The following EPB41L4A variants were observed in gnomAD, a reference collection of about 807,000 sequenced individuals.
The protein encoded by EPB41L4A is band 4.1-like protein 4A.
Under a neutral mutation model 108.6 loss-of-function variants are expected in EPB41L4A, and 100 were observed. That is an observed-to-expected ratio of 0.92 (90% CI 0.78 to 1.09). EPB41L4A has a LOEUF of 1.09. Among genes scored for constraint, EPB41L4A ranks in the 50% least tolerant of loss-of-function variants. The probability of loss-of-function intolerance (pLI) is 0.00; values close to 1 mark genes in which losing one functional copy is unlikely to be tolerated. For missense variants in EPB41L4A, 1,030 were observed against 842.7 expected, an observed-to-expected ratio of 1.22 and a Z score of -2.75; for synonymous variants, 319 against 289.0, an observed-to-expected ratio of 1.10 and a Z score of -1.05.
At chr5:112,319,674 G>C (rs970888579) in intron 1 of EPB41L4A, among the ~76,000 whole-genome samples, 1 of 152,204 alleles carries the variant, frequency 6.6e-6, no homozygotes, top group African/African-American at 2.4e-5. Flanking sequence ...TTCAAAAATA[G>C]TATGGTTATC....
At position 112,262,518 on chromosome 5, in the gene EPB41L4A, A is replaced by T. The variant is rs1450908104; in HGVS notation, c.618T>A (p.Tyr206Ter). 2.5e-6 allele frequency: 4 copies of T among 1,614,032 alleles called. No homozygotes were observed. In the African/African-American group the frequency reaches 4.0e-5, roughly 16 times the overall value. ...YLRTAKSLEM[Y>*]GVDLHPVYGE... ...CATAGACGGGATGGAGGTCAACGCC[A>T]TACATCTCCAGGGATTTGGCAGTCC... Residue 206 changes from tyrosine to a stop codon, truncating the protein, a stop_gained, in exon 7 of 23, where the codon TAT (tyrosine) becomes TAA (stop). Transcript: ENST00000261486. LOFTEE classifies it high-confidence loss of function.
chr5:112,333,560 G>C (rs1756716782), intron 1 of EPB41L4A, among the ~76,000 whole-genome samples: 1 of 152,138 alleles, frequency 6.6e-6, no homozygotes, highest in South Asian at 2.1e-4. Flanking sequence ...TGGATAGGTT[G>C]GTCATGAGGA....
intron 1 of EPB41L4A, among the ~76,000 whole-genome samples, chr5:112,314,821 A>T (rs1198560072): frequency 6.6e-6 from 1 of 152,130 alleles, no homozygotes; most frequent in African/African-American, 2.4e-5. Context: ...CATGCAAATG[A>T]TATTAATGCC....
intron 17 of EPB41L4A, among the ~76,000 whole-genome samples, chr5:112,192,890 G>A (rs940231528): frequency 3.9e-5 from 6 of 152,144 alleles, no homozygotes; most frequent in Admixed American, 2.0e-4. Context: ...TAAAATACTG[G>A]CTTGATCAAT....
At chr5:112,373,756 T>C (rs1467287241) in intron 1 of EPB41L4A, among the ~76,000 whole-genome samples, 2 of 152,220 alleles carry the variant, frequency 1.3e-5, no homozygotes, top group Admixed American at 6.5e-5. Context: ...AGTCAGGTGC[T>C]TCAGGGAGAC....
intron 12 of EPB41L4A, among the ~76,000 whole-genome samples, chr5:112,232,901 T>C (rs1749057918): frequency 6.6e-6 from 1 of 151,712 alleles, no homozygotes; most frequent in Non-Finnish European, 1.5e-5. Context: ...CACTGGAGAG[T>C]GTTAGACAAG....
At chr5:112,296,774 C>T (rs1699843111) in intron 2 of EPB41L4A, among the ~76,000 whole-genome samples, 1 of 152,032 alleles carries the variant, frequency 6.6e-6, no homozygotes, top group African/African-American at 2.4e-5. Flanking sequence ...CCCTTCCCTC[C>T]CGAGTCTCCA....
intron 1 of EPB41L4A, 54 bp from the exon 2 acceptor site, chr5:112,307,544 G>T: frequency 8.7e-7 from 1 of 1,151,826 alleles, no homozygotes; most frequent in Non-Finnish European, 1.3e-6. Context: ...TTCCTAAGTA[G>T]TACACAGTCA....
At chr5:112,220,555 A>G (rs1286900859) in intron 12 of EPB41L4A, among the ~76,000 whole-genome samples, 1 of 152,208 alleles carries the variant, frequency 6.6e-6, no homozygotes, top group African/African-American at 2.4e-5. Context: ...CCTTTTAGAA[A>G]AGAGAATCTA....
chr5:112,264,468 A>C (rs901084083), intron 6 of EPB41L4A: 4 of 153,382 alleles, frequency 2.6e-5, no homozygotes, highest in Admixed American at 1.3e-4. Flanking sequence ...TTTATGGTTA[A>C]AAATTGTTGT....
chr5:112,234,365 A>T (rs939798663), intron 12 of EPB41L4A, among the ~76,000 whole-genome samples: 1 of 151,766 alleles, frequency 6.6e-6, no homozygotes, highest in East Asian at 1.9e-4. Context: ...CTGGTGACAC[A>T]GCAAGATCCT....
At chr5:112,261,117 T>C (rs1751457696) in intron 7 of EPB41L4A, among the ~76,000 whole-genome samples, 1 of 152,220 alleles carries the variant, frequency 6.6e-6, no homozygotes, top group Non-Finnish European at 1.5e-5. Context: ...CGATAATGAT[T>C]CTACAGTTTT....
intron 1 of EPB41L4A, among the ~76,000 whole-genome samples, chr5:112,327,770 A>G (rs1286761322): frequency 1.3e-5 from 2 of 152,154 alleles, no homozygotes; most frequent in African/African-American, 4.8e-5. Context: ...AAATAGAAGC[A>G]CTGCACCTAC....
At chr5:112,305,048 C>G (rs1754598943) in intron 2 of EPB41L4A, among the ~76,000 whole-genome samples, 1 of 152,216 alleles carries the variant, frequency 6.6e-6, no homozygotes, top group Non-Finnish European at 1.5e-5. Flanking sequence ...AAAGGGAAGA[C>G]TGCGCTGCTG....
rs146182500 is a variant in EPB41L4A, at chr5:112,169,715, A to G, written c.1739+586T>C. ...AATAATTCAAATCTTTGACCTAAAG[A>G]TGGGGACGGAGGGTGGCTGGGGTGT... On this transcript the variant is annotated intron_variant, in intron 20 of 22. Transcript: ENST00000261486. 5.3e-4 allele frequency among the ~76,000 whole-genome samples: 80 copies of G among 152,354 alleles called. No individual in the cohort carries two copies. The East Asian group carries it at 0.015, about 28-fold the overall frequency.
intron 15 of EPB41L4A, among the ~76,000 whole-genome samples, chr5:112,201,188 A>T (rs1242390850): frequency 6.6e-6 from 1 of 152,212 alleles, no homozygotes; most frequent in Non-Finnish European, 1.5e-5. Context: ...AACATGCAGC[A>T]ATGGCTCATT....
intron 7 of EPB41L4A, 43 bp downstream of exon 7, chr5:112,262,451 G>A (rs1561520702): frequency 6.5e-7 from 1 of 1,542,092 alleles, no homozygotes; most frequent in Non-Finnish European, 9.0e-7. Context: ...TAAGAAAAAT[G>A]TCATCAGCTT....
At chr5:112,203,274 C>T (rs1159605484) in intron 15 of EPB41L4A, among the ~76,000 whole-genome samples, 2 of 151,836 alleles carry the variant, frequency 1.3e-5, no homozygotes, top group East Asian at 1.9e-4. Context: ...GAGAATCGCT[C>T]GAACCCAGGG....
intron 2 of EPB41L4A, among the ~76,000 whole-genome samples, chr5:112,281,191 T>C (rs1752940175): frequency 6.6e-6 from 1 of 152,210 alleles, no homozygotes; most frequent in South Asian, 2.1e-4. Flanking sequence ...ATGCTAAGAA[T>C]GATTAGGTTA....
Sources: gnomAD v4.1 joint callset for allele counts (sites outside exome capture counted in the v4.1 genomes callset) on GRCh38, gnomAD v4.1.1 for gene constraint, MANE v1.5 for transcripts, NCBI Gene and HGNC (gene_info 2026-07-23, HGNC 2026-07-21) for gene names.